WWC2: variants seen among roughly 807,000 people sequenced by gnomAD.
The protein encoded by WWC2 is WW and C2 domain containing 2, also known as protein WWC2.
In WWC2, 101 loss-of-function variants were observed where a neutral mutation model predicts 138.5. The ratio of observed to expected loss-of-function variants is 0.73; its 90% CI spans 0.62 to 0.86. WWC2 has a LOEUF of 0.86. Among genes scored for constraint, WWC2 ranks in the 40% least tolerant of loss-of-function variants. The probability of loss-of-function intolerance (pLI) is 0.00; values close to 1 mark genes in which losing one functional copy is unlikely to be tolerated. For synonymous variants in WWC2, 558 were observed against 538.4 expected, an observed-to-expected ratio of 1.04 and a Z score of -0.50; for missense variants, 1,420 against 1,419.4, an observed-to-expected ratio of 1.00 and a Z score of -0.01.
In WWC2 at chr4:183,284,605, A is replaced by G. The variant is rs572551957; in HGVS notation, c.3048+215A>G. Among the ~76,000 whole-genome samples the G allele has an allele frequency of 4.6e-5, 7 of 152,292 alleles. No individual in the cohort carries two copies. In the East Asian group the frequency reaches 9.6e-4, roughly 21 times the overall value. On this transcript the variant is annotated intron_variant, in intron 19 of 22. Coordinates refer to ENST00000403733, the MANE Select transcript of WWC2 (RefSeq NM_024949.6). ...CAAATTTAATGCCTCCTTGGTTCCAATGTGATTTATTTGGCAAGTAAGCGA... is the reference window on the plus strand; with the variant it reads ...CAAATTTAATGCCTCCTTGGTTCCAGTGTGATTTATTTGGCAAGTAAGCGA...
chr4:183,120,436 G>A (rs998947995), intron 1 of WWC2, among the ~76,000 whole-genome samples: 2 of 152,144 alleles, frequency 1.3e-5, no homozygotes, highest in Admixed American at 6.5e-5. Context: ...TTTGAACAAG[G>A]CATCTTTATT....
intron 2 of WWC2, among the ~76,000 whole-genome samples, chr4:183,204,815 T>A (rs1369481432): frequency 6.6e-6 from 1 of 152,204 alleles, no homozygotes; most frequent in Non-Finnish European, 1.5e-5. Flanking sequence ...TTTCTGTCAT[T>A]GGATTGGCTT....
Position 183,248,853 on chromosome 4 carries a change from C to T in WWC2, c.872C>T (p.Ser291Phe). 1.3e-6 allele frequency: 2 copies of T among 1,594,992 alleles called. No individual in the cohort carries two copies. Among genetic ancestry groups the T allele is most frequent in the Non-Finnish European group, 1.7e-6 (2 of 1,168,676 alleles). ...TLDAGSQTSI[S>F]GDIGVRSRSN... ...GATGCTGGGTCACAAACAAGCATTT[C>T]CGGAGATGTAAGTTATCTGTGCTGA... is the stretch of plus-strand genomic sequence containing the variant. The change falls in exon 7 of 23, where the codon TCC (serine) becomes TTC (phenylalanine). Residue 291 changes from serine (S) to phenylalanine (F), a missense_variant. Physicochemically the swap from Ser to Phe is radical, Grantham distance 155. Coordinates refer to ENST00000403733, the MANE Select transcript of WWC2 (RefSeq NM_024949.6).
At chr4:183,236,119 C>T (rs973852595) in intron 4 of WWC2, among the ~76,000 whole-genome samples, 1 of 151,944 alleles carries the variant, frequency 6.6e-6, no homozygotes, top group Non-Finnish European at 1.5e-5. Flanking sequence ...CTGTCCTTTC[C>T]CCAGTATATG....
intron 1 of WWC2, among the ~76,000 whole-genome samples, chr4:183,123,704 ATATAT>A (rs1354404860): frequency 1.3e-5 from 2 of 152,128 alleles, no homozygotes; most frequent in Admixed American, 6.5e-5. Flanking sequence ...ATTTTTTGAC[ATATAT>A]TAAATATACA....
At chr4:183,191,771 A>T (rs1417373457) in intron 1 of WWC2, among the ~76,000 whole-genome samples, 1 of 151,994 alleles carries the variant, frequency 6.6e-6, no homozygotes, top group Non-Finnish European at 1.5e-5. Flanking sequence ...TCTGTTGCCC[A>T]GGCTGGAATT....
At chr4:183,226,519 T>C (rs984304663) in intron 4 of WWC2, among the ~76,000 whole-genome samples, 6 of 151,996 alleles carry the variant, frequency 3.9e-5, no homozygotes, top group African/African-American at 9.7e-5. Flanking sequence ...AGAATACTAA[T>C]AATAACTAAG....
At chr4:183,278,462 C>T (rs1050577158) in intron 16 of WWC2, among the ~76,000 whole-genome samples, 3 of 152,106 alleles carry the variant, frequency 2.0e-5, no homozygotes, top group Non-Finnish European at 4.4e-5. Flanking sequence ...GCGATGCAGG[C>T]TCTTTTTTGG....
rs1057086503 is a variant in WWC2, at chr4:183,260,838, G to A, written c.1287-72G>A. 2.6e-6 allele frequency: 4 copies of A among 1,539,896 alleles called. No individual in the cohort carries two copies. The African/African-American group carries it at 5.5e-5, about 21-fold the overall frequency. ...GTTTCTTCCCTCTGCAGATCTGAAG[G>A]AGCCAGTAGAGATTGTGATTAGGTT... On this transcript the variant is annotated intron_variant, in intron 10 of 22. Coordinates refer to ENST00000403733, the MANE Select transcript of WWC2 (RefSeq NM_024949.6).
chr4:183,193,456 T>C (rs908335509), intron 1 of WWC2, 143 bp from the exon 2 acceptor site: 5 of 676,042 alleles, frequency 7.4e-6, no homozygotes, highest in South Asian at 2.0e-5. Flanking sequence ...TTTTTGGATA[T>C]ATACATCTGT....
At chr4:183,199,285 G>A (rs1462214574) in intron 2 of WWC2, among the ~76,000 whole-genome samples, 1 of 152,064 alleles carries the variant, frequency 6.6e-6, no homozygotes, top group Non-Finnish European at 1.5e-5. Context: ...TTCTTTTGTC[G>A]GGAATCTTTC....
rs1201229128 is a variant in WWC2, at chr4:183,175,972, C to T, written c.132-17627C>T. 2.6e-5 allele frequency among the ~76,000 whole-genome samples: 4 copies of T among 152,340 alleles called. No homozygotes were observed. The East Asian group carries it at 7.7e-4, about 29-fold the overall frequency. The stretch of plus-strand genomic sequence containing the variant: ...ACCTCACTTCACCTTGCATACTTTG[C>T]CAGCGTTCAGCCTCATGACTTATGC... On this transcript the variant is annotated intron_variant, in intron 1 of 22. Coordinates refer to ENST00000403733, the MANE Select transcript of WWC2 (RefSeq NM_024949.6).
chr4:183,307,877 A>T (rs936770718), intron 21 of WWC2, among the ~76,000 whole-genome samples: 5 of 152,230 alleles, frequency 3.3e-5, no homozygotes, highest in Non-Finnish European at 5.9e-5. Context: ...AAGAAAAGAA[A>T]AAAAGGTATC....
intron 4 of WWC2, among the ~76,000 whole-genome samples, chr4:183,230,922 T>C (rs977093496): frequency 6.6e-6 from 1 of 152,158 alleles, no homozygotes; most frequent in Admixed American, 6.5e-5. Flanking sequence ...CGTATTGAAA[T>C]ATTATTAACC....
intron 1 of WWC2, among the ~76,000 whole-genome samples, chr4:183,181,697 A>AT (rs1437145871): frequency 1.3e-5 from 2 of 152,172 alleles, no homozygotes; most frequent in African/African-American, 4.8e-5. Context: ...GCAGTTAGTA[A>AT]TTAAGTTTTG....
chr4:183,318,720 C>G lies in WWC2; in HGVS notation c.*2991C>G, dbSNP rs1223443302. The G allele has an allele frequency of 1.3e-5, 2 of 152,138 alleles. No homozygotes were observed. The highest frequency in any genetic ancestry group is 2.9e-5 in the Non-Finnish European group (2 of 68,026). 9.4% of individuals were successfully genotyped at this position (152,138 alleles called of 1,614,324 possible). The stretch of plus-strand genomic sequence containing the variant: ...CTGATAAAAAAGGACGAAGTATTTT[C>G]ATTGAGCAAATAAAATGAAGGGCTC... On this transcript the variant is annotated 3_prime_UTR_variant, in exon 23 of 23. Transcript: ENST00000403733.
chr4:183,106,849 A>C (rs1191691832), intron 1 of WWC2, among the ~76,000 whole-genome samples: 1 of 151,856 alleles, frequency 6.6e-6, no homozygotes, highest in African/African-American at 2.4e-5. Flanking sequence ...GGTCATTTCC[A>C]CTCTTTGGCT....
chr4:183,122,575 G>A (rs1732635450), intron 1 of WWC2, among the ~76,000 whole-genome samples: 2 of 152,064 alleles, frequency 1.3e-5, no homozygotes, highest in African/African-American at 4.8e-5. Flanking sequence ...AGGCTGGAGT[G>A]CAGGTGCGAT....
chr4:183,132,577 C>T (rs1177953264), intron 1 of WWC2, among the ~76,000 whole-genome samples: 3 of 151,890 alleles, frequency 2.0e-5, no homozygotes, highest in East Asian at 1.9e-4. Flanking sequence ...CCTCAGCCTC[C>T]CGAGTAGCTG....
Sources: allele counts gnomAD v4.1 joint callset (sites outside exome capture counted in the v4.1 genomes callset), GRCh38; gene constraint gnomAD v4.1.1; transcripts MANE v1.5; gene names NCBI Gene and HGNC (gene_info 2026-07-23, HGNC 2026-07-21).